FAM186A: variants seen among roughly 807,000 people sequenced by gnomAD.
The protein encoded by FAM186A is family with sequence similarity 186 member A.
In FAM186A, 163 loss-of-function variants were observed where a neutral mutation model predicts 216.8. The observed-to-expected ratio is 0.75, with a 90% CI of 0.66 to 0.86. FAM186A has a LOEUF of 0.86. FAM186A is among the 40% of genes least tolerant of loss of function. The pLI is 0.00. For synonymous variants in FAM186A, 805 were observed against 1,025.3 expected, an observed-to-expected ratio of 0.79 and a Z score of 4.10; for missense variants, 2,184 against 2,746.2, an observed-to-expected ratio of 0.80 and a Z score of 4.58.
At position 50,353,923 on chromosome 12, in the gene FAM186A, T is replaced by C. The variant is rs755664940; in HGVS notation, c.2909A>G (p.Lys970Arg). The C allele has an allele frequency of 4.5e-6, 7 of 1,553,368 alleles. No homozygotes were observed. The South Asian group carries it at 8.3e-5, about 18-fold the overall frequency. The change falls in exon 4 of 8, where the codon AAG becomes AGG. Residue 970 changes from lysine to arginine, a missense_variant. Physicochemically the swap from Lys to Arg is conservative, Grantham distance 26. Transcript: ENST00000327337. ...GAGGTCCTCTAGCCCTCTCTCTGGC[T>C]TCTGCTTTTCCTTCCCTTTCTCCCT... Reference protein sequence around the residue: ...RRREKGKEKQKPERGLEDLER... With the variant: ...RRREKGKEKQRPERGLEDLER...
chr12:50,359,581 CA>C (rs368296233), intron 3 of FAM186A, among the ~76,000 whole-genome samples: 33 of 151,918 alleles, frequency 2.2e-4, no homozygotes, highest in Admixed American at 4.6e-4. Flanking sequence ...TCTACCCCCC[CA>C]AAAAAAATGG....
rs1942959503 is a variant in FAM186A at position 50,355,118 on chromosome 12, CAGT to C, written c.1711_1713del (p.Thr571del). 6.4e-7 allele frequency: 1 copy of C among 1,551,518 alleles called. No homozygotes were observed. The highest frequency in any genetic ancestry group is 1.4e-5 in the African/African-American group (1 of 73,038). On this transcript the variant is annotated inframe_deletion, in exon 4 of 8. Coordinates refer to ENST00000327337, the MANE Select transcript of FAM186A (RefSeq NM_001145475.3). Reference sequence around the variant, plus strand: ...CCTTTGCCCTCTTTGTCCAATGACTCAGTGGTGGGTTCCACTTTAATCTCTGCT... The same window carrying C: ...CCTTTGCCCTCTTTGTCCAATGACTCGGTGGGTTCCACTTTAATCTCTGCT...
intron 1 of FAM186A, among the ~76,000 whole-genome samples, chr12:50,379,392 A>G (rs1405527779): frequency 1.3e-5 from 2 of 149,524 alleles, no homozygotes; most frequent in African/African-American, 4.9e-5. Flanking sequence ...GTGAGCCAAG[A>G]TAGTGCCACG....
chr12:50,374,307 T>TAAAG (rs1215292308), intron 1 of FAM186A, among the ~76,000 whole-genome samples: 13 of 144,232 alleles, frequency 9.0e-5, no homozygotes, highest in African/African-American at 2.6e-4. Flanking sequence ...ATAATAATAA[T>TAAAG]AAAGAAAGAA....
chr12:50,386,812 G>T (rs775286569), intron 1 of FAM186A, among the ~76,000 whole-genome samples: 2 of 151,456 alleles, frequency 1.3e-5, no homozygotes, highest in Non-Finnish European at 2.9e-5. Flanking sequence ...GTTAGGGAGA[G>T]GTTGCAGTGA....
intron 3 of FAM186A, among the ~76,000 whole-genome samples, chr12:50,356,874 C>T (rs1309838167): frequency 6.6e-6 from 1 of 152,112 alleles, no homozygotes; most frequent in East Asian, 1.9e-4. Flanking sequence ...TGGCGCATGC[C>T]TGTAATCCCA....
At chr12:50,369,286 C>G (rs563581556) in intron 1 of FAM186A, among the ~76,000 whole-genome samples, 3 of 151,286 alleles carry the variant, frequency 2.0e-5, no homozygotes, top group Admixed American at 1.3e-4. Flanking sequence ...GTCAGGAGAT[C>G]GGACCATCCT....
chr12:50,357,860 G>A (rs1298209843), intron 3 of FAM186A, among the ~76,000 whole-genome samples: 1 of 151,994 alleles, frequency 6.6e-6, no homozygotes, highest in African/African-American at 2.4e-5. Flanking sequence ...AAAAGCCCAT[G>A]CCTAGTGGCA....
At chr12:50,333,807 G>A (rs1052642137) in intron 5 of FAM186A, 104 bp downstream of exon 5, 2 of 1,127,610 alleles carry the variant, frequency 1.8e-6, no homozygotes, top group Non-Finnish European at 1.2e-6. Flanking sequence ...CAGCAGCCCA[G>A]GAAAGTAATA....
chr12:50,392,756 A>G (rs957984503), intron 1 of FAM186A, among the ~76,000 whole-genome samples: 5 of 130,970 alleles, frequency 3.8e-5, no homozygotes, highest in African/African-American at 1.4e-4. Context: ...GTGCCACCAC[A>G]CTTGGCTAAT....
chr12:50,366,906 C>T (rs1171283443), intron 1 of FAM186A, among the ~76,000 whole-genome samples: 1 of 151,912 alleles, frequency 6.6e-6, no homozygotes, highest in Non-Finnish European at 1.5e-5. Context: ...TACAGCTAGT[C>T]AGGAGGCTGA....
chr12:50,383,457 G>T (rs1024318935), intron 1 of FAM186A, among the ~76,000 whole-genome samples: 1 of 151,752 alleles, frequency 6.6e-6, no homozygotes, highest in African/African-American at 2.4e-5. Flanking sequence ...TTAGCTGGGC[G>T]TGGTGGTGCA....
intron 4 of FAM186A, among the ~76,000 whole-genome samples, chr12:50,335,516 T>C (rs1338777332): frequency 1.3e-5 from 2 of 151,624 alleles, no homozygotes; most frequent in African/African-American, 2.4e-5. Flanking sequence ...CGGTGGCAGG[T>C]GACTGTAATC....
chr12:50,385,516 A>G (rs1943294788), intron 1 of FAM186A, among the ~76,000 whole-genome samples: 1 of 152,118 alleles, frequency 6.6e-6, no homozygotes, highest in Admixed American at 6.6e-5. Flanking sequence ...ATATGGTTCC[A>G]AAAGTATAGG....
At chr12:50,362,411 A>G (rs1294504594) in intron 2 of FAM186A, among the ~76,000 whole-genome samples, 1 of 152,164 alleles carries the variant, frequency 6.6e-6, no homozygotes, top group African/African-American at 2.4e-5. Context: ...AGAAAAGGTT[A>G]ATTATATAGG....
Position 50,363,209 on chromosome 12 carries a change from G to GT in FAM186A, c.347dup (p.Tyr116Ter), listed in dbSNP as rs1433875599. 4.5e-6 allele frequency: 7 copies of GT among 1,551,368 alleles called. No individual in the cohort carries two copies. Among genetic ancestry groups the GT allele is most frequent in the Admixed American group, 2.0e-5 (1 of 50,972 alleles). ...TTTCTCTTATTTCAATAGTCTTAGC[G>GT]TAAGTAGCCATTTTCTCAAGAAAAT... is the stretch of plus-strand genomic sequence containing the variant. ...RTNFLEKMAT[Y>*]AKTIEIREKT... The change falls in exon 2 of 8, where the codon TAC becomes TAAC. Residue 116 changes from tyrosine to a stop codon, truncating the protein, a stop_gained and frameshift_variant. Transcript: ENST00000327337. LOFTEE classifies it high-confidence loss of function.
In FAM186A at chr12:50,390,726, G is replaced by A. The variant is rs77449845; in HGVS notation, c.192+5567C>T. 2.3e-3 allele frequency among the ~76,000 whole-genome samples: 357 copies of A among 152,252 alleles called. 2 individuals are homozygous for A. Among genetic ancestry groups the A allele is most frequent in the African/African-American group, 8.4e-3 (348 of 41,564 alleles). On this transcript the variant is annotated intron_variant, in intron 1 of 7. Coordinates refer to ENST00000327337, the MANE Select transcript of FAM186A (RefSeq NM_001145475.3). Reference sequence around the variant, plus strand: ...AACTCTAGAGAAGAGTGATCACAGAGCTCTTCAAGGATGCCGGGGCTTCCT... The same window carrying A: ...AACTCTAGAGAAGAGTGATCACAGAACTCTTCAAGGATGCCGGGGCTTCCT...
chr12:50,370,201 G>A (rs1943131234), intron 1 of FAM186A, among the ~76,000 whole-genome samples: 1 of 149,898 alleles, frequency 6.7e-6, no homozygotes. Flanking sequence ...CTACTTGGGT[G>A]GCTGAGGCAC....
rs556817275 is a variant in FAM186A, at chr12:50,363,438, C to T, written c.193-74G>A. 191 of 1,229,150 alleles carry T rather than the reference C, an allele frequency of 1.6e-4. No homozygotes were observed. In the African/African-American group the frequency reaches 2.7e-3, roughly 17 times the overall value. 76.1% of individuals were successfully genotyped at this position (1,229,150 alleles called of 1,614,324 possible). ...GCTTTGGTCATCTTTCTTCTCAGAA[C>T]GTCAGTGACAGTTAATTTAAAGCTA... On this transcript the variant is annotated intron_variant, in intron 1 of 7. Coordinates refer to ENST00000327337, the MANE Select transcript of FAM186A (RefSeq NM_001145475.3).
Sources: allele counts gnomAD v4.1 joint callset (sites outside exome capture counted in the v4.1 genomes callset), GRCh38; gene constraint gnomAD v4.1.1; transcripts MANE v1.5; gene names NCBI Gene and HGNC (gene_info 2026-07-23, HGNC 2026-07-21).